CP: variants seen among roughly 807,000 people sequenced by gnomAD.
CP encodes caeruloplasmin.
Under a neutral mutation model 122.4 loss-of-function variants are expected in CP, and 64 were observed. The observed-to-expected ratio is 0.52, with a 90% CI of 0.43 to 0.64. The LOEUF is 0.64. Among genes scored for constraint, CP ranks in the 30% least tolerant of loss-of-function variants. The pLI, the probability that CP is intolerant of heterozygous loss-of-function variation, is 0.00. For missense variants in CP, 1,167 were observed against 1,284.4 expected (o/e 0.91, Z 1.40); for synonymous variants, 440 against 436.4 (o/e 1.01, Z -0.10).
At chr3:149,198,133 C>T (rs747950432) in intron 9 of CP, among the ~76,000 whole-genome samples, 1 of 152,026 alleles carries the variant, frequency 6.6e-6, no homozygotes, top group Non-Finnish European at 1.5e-5. Context: ...CCTAAAAAGT[C>T]AGTTGGGGAA....
At chr3:149,171,925 T>C (rs1001988129), downstream of CP, among the ~76,000 whole-genome samples, 6 of 152,092 alleles carry the variant, frequency 3.9e-5, no homozygotes, top group African/African-American at 9.7e-5. Flanking sequence ...CAGACTGGTC[T>C]TGAACTCCTG....
intron 14 of CP, among the ~76,000 whole-genome samples, 165 bp downstream of exon 14, chr3:149,181,840 C>T (rs1317049763): frequency 1.3e-5 from 2 of 152,064 alleles, no homozygotes; most frequent in Non-Finnish European, 2.9e-5. Flanking sequence ...TTAGTACAAG[C>T]ATGTGCATGT....
At chr3:149,162,423 T>C (rs1309702821) in exon 6 of CP, 2 of 1,244,592 alleles carry the variant, frequency 1.6e-6, no homozygotes, top group Non-Finnish European at 2.3e-6. Flanking sequence ...GTTTTTCATT[T>C]GTTTGTTTAT....
downstream of CP, among the ~76,000 whole-genome samples, chr3:149,171,128 A>T (rs1724942622): frequency 6.6e-6 from 1 of 152,122 alleles, no homozygotes; most frequent in Non-Finnish European, 1.5e-5. Flanking sequence ...AAATACAAAA[A>T]TTAGCTGGAC....
intron 1 of CP, among the ~76,000 whole-genome samples, chr3:149,217,513 A>C (rs1461131711): frequency 6.6e-6 from 1 of 152,168 alleles, no homozygotes; most frequent in East Asian, 1.9e-4. Context: ...CACTTTAACC[A>C]GTCTAATATC....
rs60005904 is a variant in CP at position 149,175,664 on chromosome 3, A to AGTGT, written c.3181+582_3181+585dup. On this transcript the variant is annotated intron_variant, in intron 18 of 18. Transcript: ENST00000264613. Reference sequence around the variant, plus strand: ...AAACTGTTCATTTTTCTCCATTTTAAGTGTGTGTGTGTGTGTGTGTGTGTG... The same window carrying AGTGT: ...AAACTGTTCATTTTTCTCCATTTTAAGTGTGTGTGTGTGTGTGTGTGTGTGTGTG... Among the ~76,000 whole-genome samples, 770 of 145,654 alleles carry AGTGT rather than the reference A, an allele frequency of 5.3e-3. 7 individuals are homozygous for AGTGT. The highest frequency in any genetic ancestry group is 0.018 in the African/African-American group (710 of 39,114).
chr3:149,176,901 A>G (rs16861576), intron 17 of CP, among the ~76,000 whole-genome samples: 2,661 of 152,290 alleles, frequency 0.017, 79 homozygotes, highest in African/African-American at 0.06. Flanking sequence ...TTGGGTGACA[A>G]TAGTCTATTT....
chr3:149,171,514 G>A (rs1203373126), downstream of CP, among the ~76,000 whole-genome samples: 1 of 152,094 alleles, frequency 6.6e-6, no homozygotes, highest in African/African-American at 2.4e-5. Context: ...AGTAGAAATT[G>A]ATTGCAAAAT....
At chr3:149,168,087 G>A, downstream of CP, 1 of 743,188 alleles carries the variant, frequency 1.3e-6, no homozygotes, top group East Asian at 2.7e-5. Context: ...GAAACCGAGG[G>A]CCTTTCAGAA....
chr3:149,213,737 G>A (rs16861634), intron 1 of CP, among the ~76,000 whole-genome samples: 1 of 151,856 alleles, frequency 6.6e-6, no homozygotes, highest in Non-Finnish European at 1.5e-5. Flanking sequence ...TTGTGGGGCC[G>A]AGTAATCTGA....
chr3:149,199,885 A>G (rs1727183037), intron 7 of CP, 21 bp from the exon 8 acceptor site: 1 of 1,612,612 alleles, frequency 6.2e-7, no homozygotes. Context: ...AGAGAGAATT[A>G]TTATCCTTCC....
In CP at chr3:149,207,681, T is replaced by G. The variant is rs1727840663; in HGVS notation, c.782-64A>C. On this transcript the variant is annotated intron_variant, in intron 4 of 18. Coordinates refer to ENST00000264613, the MANE Select transcript of CP (RefSeq NM_000096.4). ...AATGCTTGAGATAGTGAGAGTTACC[T>G]CTATATAAATAGAATCAATTTGGAA... The G allele has an allele frequency of 5.2e-6, 8 of 1,549,274 alleles. No individual in the cohort carries two copies. In the South Asian group the frequency reaches 8.9e-5, roughly 17 times the overall value.
Position 149,172,618 on chromosome 3 carries a change from GA to G in CP, c.*1095del, listed in dbSNP as rs1369532640. On this transcript the variant is annotated 3_prime_UTR_variant, in exon 19 of 19. Transcript: ENST00000264613. Reference sequence around the variant, plus strand: ...AAGGAAACATTTTACAAGTATGCTTGAAAGAATGTCACTAACTGGTCCAGAA... The same window carrying G: ...AAGGAAACATTTTACAAGTATGCTTGAAGAATGTCACTAACTGGTCCAGAA... 6.3e-6 allele frequency: 1 copy of G among 158,340 alleles called. No homozygotes were observed. The highest frequency in any genetic ancestry group is 1.8e-4 in the East Asian group (1 of 5,554). The allele number at this position is 158,340 out of a possible 1,614,324, so 9.8% of individuals were successfully genotyped here.
chr3:149,200,315 A>G (rs1400061776), intron 7 of CP, among the ~76,000 whole-genome samples: 1 of 152,148 alleles, frequency 6.6e-6, no homozygotes, highest in Non-Finnish European at 1.5e-5. Context: ...ATGATTACCA[A>G]TTATAGAATA....
chr3:149,191,656 C>T (rs1420060174), intron 9 of CP, among the ~76,000 whole-genome samples: 2 of 151,536 alleles, frequency 1.3e-5, no homozygotes, highest in South Asian at 2.1e-4. Flanking sequence ...AATTTGCTGG[C>T]GATGAGAATT....
Position 149,221,771 on chromosome 3 carries a change from T to C in CP, c.22A>G (p.Ile8Val), listed in dbSNP as rs770665382. The change falls in exon 1 of 19, where the codon ATT (isoleucine) becomes GTT (valine). Residue 8 changes from isoleucine to valine, a missense_variant. By Grantham distance (29) the Ile-to-Val change is conservative (BLOSUM62 3). Coordinates refer to ENST00000264613, the MANE Select transcript of CP (RefSeq NM_000096.4). ...GGGGTACTACATAAAAACAGAAAAATACCAAGTATCAAAATCTTCATTTTT... is the reference window on the plus strand; with the variant it reads ...GGGGTACTACATAAAAACAGAAAAACACCAAGTATCAAAATCTTCATTTTT... MKILILG[I>V]FLFLCSTPAW... is the part of the protein sequence containing the mutation. 1.8e-5 allele frequency: 29 copies of C among 1,613,194 alleles called. No homozygotes were observed. The highest frequency in any genetic ancestry group is 2.5e-5 in the Non-Finnish European group (29 of 1,179,590).
At chr3:149,163,842 A>T in intron 5 of CP, 1 of 1,481,594 alleles carries the variant, frequency 6.7e-7, no homozygotes, top group Non-Finnish European at 9.4e-7. Context: ...TATGTTTTAG[A>T]TAAATGCCTG....
chr3:149,189,695 A>G (rs1726420776), intron 9 of CP, among the ~76,000 whole-genome samples: 1 of 152,216 alleles, frequency 6.6e-6, no homozygotes. Flanking sequence ...AACACCAGGT[A>G]AAGAACAACA....
chr3:149,203,280 T>C (rs1727477884), intron 6 of CP, among the ~76,000 whole-genome samples: 1 of 150,284 alleles, frequency 6.7e-6, no homozygotes, highest in Non-Finnish European at 1.5e-5. Flanking sequence ...TTTTTTGTTT[T>C]TGGAGCAGAG....
Sources: gnomAD v4.1 joint callset for allele counts (sites outside exome capture counted in the v4.1 genomes callset) on GRCh38, gnomAD v4.1.1 for gene constraint, MANE v1.5 for transcripts, NCBI Gene and HGNC (gene_info 2026-07-23, HGNC 2026-07-21) for gene names.